The following FGD2 variants were observed in gnomAD, a reference collection of about 807,000 sequenced individuals.
FGD2 encodes the protein FYVE, RhoGEF and PH domain containing 2.
FGD2 carries 52 observed loss-of-function variants against 75.9 expected under a neutral mutation model. The observed-to-expected ratio is 0.69, with a 90% CI of 0.55 to 0.86. The LOEUF (loss-of-function observed/expected upper bound fraction) is 0.86. FGD2 is among the 40% of genes least tolerant of loss of function. The pLI is 0.00. For missense variants in FGD2, 790 were observed against 872.0 expected (o/e 0.91, Z 1.18); for synonymous variants, 347 against 348.6 (o/e 1.00, Z 0.05).
Position 37,017,734 on chromosome 6 carries a change from C to T in FGD2, c.1122+1874C>T, listed in dbSNP as rs113717504. Among the ~76,000 whole-genome samples, 1,314 of 152,236 alleles carry T rather than the reference C, an allele frequency of 8.6e-3. 19 individuals carry two copies. The highest frequency in any genetic ancestry group is 0.03 in the African/African-American group (1,241 of 41,538). On this transcript the variant is annotated intron_variant, in intron 9 of 15. Coordinates refer to ENST00000274963, the MANE Select transcript of FGD2 (RefSeq NM_173558.4). ...TTCAGCCCCAGAAGGGAGCTGCAGGCAGGAGTTGAACCAGAATGCTCTACC... is the reference window on the plus strand; with the variant it reads ...TTCAGCCCCAGAAGGGAGCTGCAGGTAGGAGTTGAACCAGAATGCTCTACC...
intron 13 of FGD2, 22 bp from the exon 14 acceptor site, chr6:37,025,770 C>G (rs1468227387): frequency 6.2e-7 from 1 of 1,613,862 alleles, no homozygotes; most frequent in South Asian, 1.1e-5. Flanking sequence ...CAGCCCCATG[C>G]CCCCTTATGT....
intron 6 of FGD2, chr6:37,014,322 G>A (rs1252780995): frequency 3.2e-6 from 2 of 634,372 alleles, no homozygotes; most frequent in Non-Finnish European, 5.4e-6. Context: ...CCAGAGAGTA[G>A]CAGAACTGGG....
intron 3 of FGD2, 85 bp downstream of exon 3, chr6:37,011,135 C>A: frequency 1.5e-6 from 2 of 1,323,322 alleles, no homozygotes; most frequent in Non-Finnish European, 2.2e-6. Flanking sequence ...CCCTGCTCAC[C>A]AGAGCTGAGT....
chr6:37,008,552 G>T (rs1333781561), intron 1 of FGD2, among the ~76,000 whole-genome samples: 2 of 152,172 alleles, frequency 1.3e-5, no homozygotes, highest in African/African-American at 4.8e-5. Flanking sequence ...TATACAGAAA[G>T]GATTCCTGGA....
intron 11 of FGD2, among the ~76,000 whole-genome samples, 162 bp downstream of exon 11, chr6:37,020,901 T>TGTGTGC (rs1327313094): frequency 1.3e-5 from 2 of 151,400 alleles, no homozygotes; most frequent in African/African-American, 2.4e-5. Context: ...TGTGTGTGTG[T>TGTGTGC]GTGTGTGTGT....
chr6:37,026,845 C>CAA lies in FGD2; in HGVS notation c.1606-572_1606-571dup, dbSNP rs796239980. Among the ~76,000 whole-genome samples, 421 of 138,058 alleles carry CAA rather than the reference C, an allele frequency of 3.0e-3. 1 individual carries two copies. The highest frequency in any genetic ancestry group is 0.011 in the African/African-American group (401 of 37,780). The allele number at this position is 138,058 out of a possible 152,430, so 90.6% of individuals were successfully genotyped here. A position where few individuals can be genotyped will look rare whatever the true frequency, so the allele number is the denominator to read the frequency against. The stretch of plus-strand genomic sequence containing the variant: ...TGAAGTCCCGTCTCTACTAAAAATA[C>CAA]AAAAAAAAAAAAATCAGCCGGGCAT... On this transcript the variant is annotated intron_variant, in intron 14 of 15. Coordinates refer to ENST00000274963, the MANE Select transcript of FGD2 (RefSeq NM_173558.4).
intron 4 of FGD2, among the ~76,000 whole-genome samples, chr6:37,012,443 G>A (rs1765057196): frequency 6.6e-6 from 1 of 151,992 alleles, no homozygotes; most frequent in Non-Finnish European, 1.5e-5. Context: ...CAGGTTCGGT[G>A]GCTCATGCCT....
At position 37,027,915 on chromosome 6, in the gene FGD2, G is replaced by A. The variant is rs761753405; in HGVS notation, c.1753-33G>A. 5 of 1,606,646 alleles carry A rather than the reference G, an allele frequency of 3.1e-6. No individual in the cohort carries two copies. The Admixed American group carries it at 5.0e-5, about 16-fold the overall frequency. On this transcript the variant is annotated intron_variant, in intron 15 of 15. Transcript: ENST00000274963. ...TATCTGGGGCAGTAGGACTGAGAGG[G>A]GACAGTGGCCCACTGCTCTCTCCTC...
chr6:37,010,465 G>T (rs1764951842), intron 2 of FGD2, among the ~76,000 whole-genome samples: 1 of 152,228 alleles, frequency 6.6e-6, no homozygotes, highest in Admixed American at 6.5e-5. Flanking sequence ...ACAGGAATTT[G>T]GTTGGCGGAC....
At chr6:37,006,199 T>C (rs1351419077) in intron 1 of FGD2, among the ~76,000 whole-genome samples, 2 of 152,258 alleles carry the variant, frequency 1.3e-5, no homozygotes, top group Non-Finnish European at 2.9e-5. Flanking sequence ...AAAAGGTAGC[T>C]GATACTCACC....
intron 8 of FGD2, 82 bp from the exon 9 acceptor site, chr6:37,015,686 G>T: frequency 1.5e-6 from 2 of 1,312,574 alleles, no homozygotes; most frequent in Non-Finnish European, 2.1e-6. Context: ...CTCAGCCCAT[G>T]CTCGGCCCAC....
chr6:37,022,357 G>C lies in FGD2; in HGVS notation c.1445G>C (p.Arg482Pro), dbSNP rs1047380124. The C allele has an allele frequency of 1.3e-6, 2 of 1,582,626 alleles. No individual in the cohort carries two copies. The highest frequency in any genetic ancestry group is 1.7e-6 in the Non-Finnish European group (2 of 1,167,344). Residue 482 changes from arginine (R) to proline (P), a missense_variant, in exon 13 of 16, where the codon CGG (arginine) becomes CCG (proline). By Grantham distance (103) the Arg-to-Pro change is moderately radical. Coordinates refer to ENST00000274963, the MANE Select transcript of FGD2 (RefSeq NM_173558.4). ...NALTRRRHHC[R>P]ACGYVVCARC... ...CTGACGCGCCGTCGCCACCACTGCC[G>C]GGCCTGCGGCTATGTGAGTACTCCT... is the stretch of plus-strand genomic sequence containing the variant.
chr6:37,008,750 G>T, intron 1 of FGD2, 84 bp from the exon 2 acceptor site: 1 of 1,375,334 alleles, frequency 7.3e-7, no homozygotes, highest in Non-Finnish European at 9.8e-7. Context: ...TTTGCACCAG[G>T]CAACCCAAAT....
At chr6:37,007,032 G>A (rs1764787494) in intron 1 of FGD2, among the ~76,000 whole-genome samples, 1 of 152,156 alleles carries the variant, frequency 6.6e-6, no homozygotes, top group African/African-American at 2.4e-5. Flanking sequence ...TTACCCGGCA[G>A]CCCCCAGTAC....
chr6:37,007,942 C>T (rs969688382), intron 1 of FGD2, among the ~76,000 whole-genome samples: 2 of 152,286 alleles, frequency 1.3e-5, no homozygotes, highest in Admixed American at 6.5e-5. Flanking sequence ...GGACCTGTTT[C>T]TCCTTTACTC....
At chr6:37,020,775 T>C (rs1165522441) in intron 11 of FGD2, 36 bp downstream of exon 11, 4 of 1,551,642 alleles carry the variant, frequency 2.6e-6, no homozygotes, top group Non-Finnish European at 3.5e-6. Flanking sequence ...GGAGTCTTTT[T>C]CCTTTCTTTC....
At chr6:37,021,472 CA>C in intron 11 of FGD2, 39 bp from the exon 12 acceptor site, 1 of 1,565,730 alleles carries the variant, frequency 6.4e-7, no homozygotes, top group Non-Finnish European at 8.7e-7. Context: ...CCCTCCCTTC[CA>C]CACCTCAAGC....
intron 12 of FGD2, 97 bp from the exon 13 acceptor site, chr6:37,022,142 T>C: frequency 1.4e-6 from 2 of 1,468,766 alleles, no homozygotes; most frequent in Non-Finnish European, 9.0e-7. Flanking sequence ...AAAGAATCCC[T>C]GCTACAGCAG....
chr6:37,021,642 A>T, intron 12 of FGD2, 38 bp downstream of exon 12: 1 of 1,562,766 alleles, frequency 6.4e-7, no homozygotes, highest in South Asian at 1.1e-5. Context: ...TGGAGCCACC[A>T]ACCCAAATAG....
Sources: allele counts gnomAD v4.1 joint callset (sites outside exome capture counted in the v4.1 genomes callset), GRCh38; gene constraint gnomAD v4.1.1; transcripts MANE v1.5; gene names NCBI Gene and HGNC (gene_info 2026-07-23, HGNC 2026-07-21).